Variants in TRPM3 observed in about 807,000 individuals in gnomAD.
TRPM3 encodes the protein long transient receptor potential channel 3.
TRPM3 carries 77 observed loss-of-function variants against 181.2 expected under a neutral mutation model. That is an observed-to-expected ratio of 0.42 (90% CI 0.35 to 0.51). The LOEUF (loss-of-function observed/expected upper bound fraction) is 0.51. Among genes scored for constraint, TRPM3 ranks in the 20% least tolerant of loss-of-function variants. The pLI is 0.01. For missense variants in TRPM3, 1,759 were observed against 2,196.7 expected, an observed-to-expected ratio of 0.80 and a Z score of 3.98; for synonymous variants, 745 against 796.4, an observed-to-expected ratio of 0.94 and a Z score of 1.09.
At chr9:70,638,720 C>G (rs145423133) in intron 11 of TRPM3, among the ~76,000 whole-genome samples, 11 of 152,206 alleles carry the variant, frequency 7.2e-5, no homozygotes, top group African/African-American at 2.6e-4. Context: ...AGAGTTAAAC[C>G]AACCCTCCTT....
chr9:71,369,555 G>A (rs1013802403), intron 1 of TRPM3, among the ~76,000 whole-genome samples: 1 of 152,130 alleles, frequency 6.6e-6, no homozygotes, highest in Non-Finnish European at 1.5e-5. Context: ...CCAGGCTGGA[G>A]TGCAGTGGCG....
intron 1 of TRPM3, among the ~76,000 whole-genome samples, chr9:71,297,396 A>T (rs965463457): frequency 6.6e-6 from 1 of 152,134 alleles, no homozygotes; most frequent in Non-Finnish European, 1.5e-5. Context: ...GCTATAAACA[A>T]CTGCCTGAGA....
At chr9:70,811,151 T>C in intron 6 of TRPM3, 2 of 1,586,288 alleles carry the variant, frequency 1.3e-6, no homozygotes, top group Non-Finnish European at 1.7e-6. Flanking sequence ...AATTCACATT[T>C]TCCATTAATT....
At chr9:71,435,789 C>G (rs191416094) in intron 1 of TRPM3, among the ~76,000 whole-genome samples, 1 of 152,162 alleles carries the variant, frequency 6.6e-6, no homozygotes, top group Non-Finnish European at 1.5e-5. Flanking sequence ...GGTAGCTAAT[C>G]ATTTGACCTT....
At chr9:70,739,325 T>C (rs1341630020) in intron 8 of TRPM3, among the ~76,000 whole-genome samples, 1 of 152,146 alleles carries the variant, frequency 6.6e-6, no homozygotes, top group African/African-American at 2.4e-5. Context: ...TGGTACAACA[T>C]ATGCAAGTCG....
At position 71,218,288 on chromosome 9, in the gene TRPM3, C is replaced by G. The variant is rs79362593; in HGVS notation, c.183+228365G>C. On this transcript the variant is annotated intron_variant, in intron 1 of 24. Coordinates refer to the TRPM3 transcript ENST00000357533. ...TCAAAAACAACAATGACAACGCACT[C>G]TCATGTAGCACTCATTACATGTCCA... Among the ~76,000 whole-genome samples, 947 of 152,246 alleles carry G rather than the reference C, an allele frequency of 6.2e-3. 11 individuals carry two copies. The highest frequency in any genetic ancestry group is 0.022 in the African/African-American group (911 of 41,526).
intron 6 of TRPM3, among the ~76,000 whole-genome samples, chr9:70,809,410 C>A (rs1311422628): frequency 6.6e-6 from 1 of 152,204 alleles, no homozygotes; most frequent in Non-Finnish European, 1.5e-5. Flanking sequence ...CCTGCAAGCA[C>A]CATTCATGGT....
At chr9:71,118,826 G>A (rs568099510) in intron 1 of TRPM3, among the ~76,000 whole-genome samples, 1 of 152,086 alleles carries the variant, frequency 6.6e-6, no homozygotes, top group South Asian at 2.1e-4. Context: ...GAGGAAGGGA[G>A]GGAGGAGAAA....
intron 3 of TRPM3, among the ~76,000 whole-genome samples, chr9:70,851,727 C>T (rs2095236631): frequency 6.6e-6 from 1 of 152,134 alleles, no homozygotes; most frequent in African/African-American, 2.4e-5. Context: ...CCCAGCTCCC[C>T]ATCTTACAGA....
chr9:70,543,861 C>G lies in TRPM3; in HGVS notation c.3707+5681G>C, dbSNP rs188895322. 2.0e-5 allele frequency among the ~76,000 whole-genome samples: 3 copies of G among 152,280 alleles called. No homozygotes were observed. In the East Asian group the frequency reaches 5.8e-4, roughly 29 times the overall value. Reference sequence around the variant, plus strand: ...TGATCTGGATGCTTTCATCAAGAGTCTGGGAATTAAATGCCTATAGGCAGG... The same window carrying G: ...TGATCTGGATGCTTTCATCAAGAGTGTGGGAATTAAATGCCTATAGGCAGG... On this transcript the variant is annotated intron_variant, in intron 25 of 25. Coordinates refer to ENST00000677713, the MANE Select transcript of TRPM3 (RefSeq NM_001366145.2).
intron 1 of TRPM3, among the ~76,000 whole-genome samples, chr9:71,414,620 C>T (rs942139497): frequency 1.3e-5 from 2 of 151,964 alleles, no homozygotes; most frequent in African/African-American, 4.8e-5. Context: ...GTTGGACTGT[C>T]AGGGAAATTC....
At chr9:70,892,375 A>C (rs1461358651) in intron 1 of TRPM3, among the ~76,000 whole-genome samples, 1 of 152,168 alleles carries the variant, frequency 6.6e-6, no homozygotes. Context: ...ATTACTCTAG[A>C]TCAGCACTTC....
intron 1 of TRPM3, among the ~76,000 whole-genome samples, chr9:71,196,474 A>G (rs906747773): frequency 1.6e-4 from 25 of 151,832 alleles, no homozygotes; most frequent in African/African-American, 6.0e-4. Context: ...ATATTTGCAT[A>G]TCTACCTTAA....
At chr9:70,601,377 G>T (rs906462854) in intron 20 of TRPM3, among the ~76,000 whole-genome samples, 1 of 152,148 alleles carries the variant, frequency 6.6e-6, no homozygotes, top group Non-Finnish European at 1.5e-5. Flanking sequence ...TTCCTTTTGT[G>T]TATCCCTGGG....
intron 1 of TRPM3, among the ~76,000 whole-genome samples, chr9:71,197,296 G>C (rs1441317365): frequency 6.6e-6 from 1 of 152,112 alleles, no homozygotes; most frequent in Non-Finnish European, 1.5e-5. Context: ...TTGGTTCCAA[G>C]TCTTTGCTAT....
intron 1 of TRPM3, among the ~76,000 whole-genome samples, chr9:71,305,903 T>C (rs963839726): frequency 2.0e-5 from 3 of 152,148 alleles, no homozygotes; most frequent in African/African-American, 7.2e-5. Flanking sequence ...TCTTATAGGA[T>C]CAGGGTTTTT....
intron 5 of TRPM3, among the ~76,000 whole-genome samples, chr9:70,832,437 T>C (rs1027974015): frequency 5.3e-5 from 8 of 152,112 alleles, no homozygotes; most frequent in Non-Finnish European, 1.5e-5. Flanking sequence ...TAAGAGTAAA[T>C]GAGAGAATTC....
chr9:71,312,765 A>C (rs1180764905), intron 1 of TRPM3, among the ~76,000 whole-genome samples: 1 of 152,166 alleles, frequency 6.6e-6, no homozygotes, highest in Non-Finnish European at 1.5e-5. Flanking sequence ...GAGAAAACTT[A>C]AGTGCATATT....
chr9:71,076,851 A>G (rs1305508055), intron 1 of TRPM3, among the ~76,000 whole-genome samples: 1 of 152,222 alleles, frequency 6.6e-6, no homozygotes, highest in East Asian at 1.9e-4. Context: ...ATCACTGAAT[A>G]GAGCAAAAAC....
Sources: allele counts gnomAD v4.1 joint callset (sites outside exome capture counted in the v4.1 genomes callset), GRCh38; gene constraint gnomAD v4.1.1; transcripts MANE v1.5; gene names NCBI Gene and HGNC (gene_info 2026-07-23, HGNC 2026-07-21).